UROC1: variants seen among roughly 807,000 people sequenced by gnomAD.
UROC1 encodes the protein urocanate hydratase 1.
In UROC1, 79 loss-of-function variants were observed where a neutral mutation model predicts 89.5. The observed-to-expected ratio is 0.88, with a 90% CI of 0.74 to 1.06. The LOEUF (loss-of-function observed/expected upper bound fraction) is 1.06, where lower values mean the gene tolerates loss of function less well. Among genes scored for constraint, UROC1 ranks in the 50% least tolerant of loss-of-function variants. UROC1 has a pLI of 0.00. For synonymous variants in UROC1, 361 were observed against 354.8 expected, an observed-to-expected ratio of 1.02 and a Z score of -0.20; for missense variants, 885 against 907.8, an observed-to-expected ratio of 0.97 and a Z score of 0.32.
chr3:126,499,710 C>A (rs1463039398), intron 12 of UROC1, among the ~76,000 whole-genome samples: 1 of 152,256 alleles, frequency 6.6e-6, no homozygotes, highest in Non-Finnish European at 1.5e-5. Flanking sequence ...GCCTTTTGAA[C>A]CTCATACCCC....
chr3:126,498,132 A>T lies in UROC1; in HGVS notation c.1357T>A (p.Cys453Ser). The T allele has an allele frequency of 6.2e-7, 1 of 1,614,174 alleles. No homozygotes were observed. The highest frequency in any genetic ancestry group is 8.5e-7 in the Non-Finnish European group (1 of 1,180,024). Residue 453 changes from cysteine (C) to serine (S), a missense_variant, in exon 14 of 20, where the codon TGC becomes AGC. Cys to Ser is a moderately radical substitution (Grantham distance 112, BLOSUM62 -1). Transcript: ENST00000290868. Reference sequence around the variant, plus strand: ...AGGTCCTGGGGGTCCCCCGATGTGCACACCCAGCGGAAAGGCCCAAATCCC... The same window carrying T: ...AGGTCCTGGGGGTCCCCCGATGTGCTCACCCAGCGGAAAGGCCCAAATCCC... ...SQGFGPFRWVCTSGDPQDLAV... is the reference protein window; with the variant it reads ...SQGFGPFRWVSTSGDPQDLAV...
intron 15 of UROC1, among the ~76,000 whole-genome samples, chr3:126,493,907 C>T (rs985313386): frequency 2.0e-4 from 31 of 152,292 alleles, no homozygotes; most frequent in South Asian, 8.3e-4. Flanking sequence ...GGCCGGGCCA[C>T]GGAAGCAGCT....
Position 126,514,504 on chromosome 3 carries a change from C to G in UROC1, c.126+3090G>C, listed in dbSNP as rs73859510. Among the ~76,000 whole-genome samples, 1,099 of 152,220 alleles carry G rather than the reference C, an allele frequency of 7.2e-3. 12 individuals carry two copies. The highest frequency in any genetic ancestry group is 0.024 in the African/African-American group (999 of 41,514). Reference sequence around the variant, plus strand: ...TAACTTGGCAAAGAAAGGCCCCACTCCAGTCACAGAGCTCCGTTAAAGACG... The same window carrying G: ...TAACTTGGCAAAGAAAGGCCCCACTGCAGTCACAGAGCTCCGTTAAAGACG... On this transcript the variant is annotated intron_variant, in intron 1 of 19. Coordinates refer to ENST00000290868, the MANE Select transcript of UROC1 (RefSeq NM_144639.3).
At chr3:126,503,204 T>C (rs1405328304) in intron 9 of UROC1, among the ~76,000 whole-genome samples, 1 of 152,226 alleles carries the variant, frequency 6.6e-6, no homozygotes, top group Non-Finnish European at 1.5e-5. Context: ...GTTGGATTGG[T>C]ATGTTAGAAT....
At chr3:126,484,013 C>G (rs1467647127) in intron 18 of UROC1, among the ~76,000 whole-genome samples, 1 of 152,194 alleles carries the variant, frequency 6.6e-6, no homozygotes, top group East Asian at 1.9e-4. Context: ...CACTGTGCCC[C>G]CACCTGATTT....
intron 1 of UROC1, among the ~76,000 whole-genome samples, chr3:126,512,082 ACT>A (rs2107550944): frequency 6.6e-6 from 1 of 152,292 alleles, no homozygotes; most frequent in African/African-American, 2.4e-5. Flanking sequence ...AGAAAGGCTC[ACT>A]CTCACTGGCC....
At position 126,482,456 on chromosome 3, in the gene UROC1, C is replaced by G; in HGVS notation, c.1920G>C (p.Gln640His). The change falls in exon 20 of 20, where the codon CAG becomes CAC. Residue 640 changes from glutamine to histidine, a missense_variant. Coordinates refer to ENST00000290868, the MANE Select transcript of UROC1 (RefSeq NM_144639.3). Reference protein sequence around the residue: ...GVARRCWSGNQKAYEIICQTM... With the variant: ...GVARRCWSGNHKAYEIICQTM... ...TCTGGCAGATGATCTCATAGGCCTT[C>G]TGGTTCCCTGACCAGCAGCGCCGGG... 1 of 1,614,034 alleles carries G rather than the reference C, an allele frequency of 6.2e-7. No homozygotes were observed.
intron 13 of UROC1, 134 bp from the exon 14 acceptor site, chr3:126,498,306 G>C: frequency 2.7e-6 from 4 of 1,490,304 alleles, no homozygotes; most frequent in African/African-American, 1.4e-5. Flanking sequence ...TCATTGGACA[G>C]AAAGTTCCAG....
intron 2 of UROC1, 133 bp from the exon 3 acceptor site, chr3:126,509,811 CAGT>C (rs1576729911): frequency 3.5e-6 from 3 of 858,880 alleles, no homozygotes; most frequent in Non-Finnish European, 5.7e-6. Flanking sequence ...TAGGAACGTA[CAGT>C]GGGGGCTCCA....
At chr3:126,500,648 G>T (rs373010248) in intron 11 of UROC1, 47 bp downstream of exon 11, 4 of 1,610,954 alleles carry the variant, frequency 2.5e-6, no homozygotes, top group African/African-American at 2.7e-5. Context: ...GGACAAGGTG[G>T]TCTGCCCAGG....
chr3:126,506,638 C>T (rs543726189), intron 6 of UROC1, among the ~76,000 whole-genome samples: 20 of 152,278 alleles, frequency 1.3e-4, no homozygotes, highest in Non-Finnish European at 2.2e-4. Flanking sequence ...GCACAGAGGC[C>T]GGCTCGAATG....
intron 3 of UROC1, among the ~76,000 whole-genome samples, 158 bp from the exon 4 acceptor site, chr3:126,508,633 C>T (rs180898614): frequency 2.6e-5 from 4 of 152,202 alleles, no homozygotes; most frequent in Admixed American, 1.3e-4. Context: ...GCAAGAACAC[C>T]GGCCCCAGCT....
chr3:126,509,807 C>A, intron 2 of UROC1, 129 bp from the exon 3 acceptor site: 1 of 888,386 alleles, frequency 1.1e-6, no homozygotes, highest in Non-Finnish European at 1.8e-6. Context: ...TAGCTAGGAA[C>A]GTACAGTGGG....
intron 10 of UROC1, 53 bp downstream of exon 10, chr3:126,501,164 AG>A: frequency 2.5e-6 from 4 of 1,580,376 alleles, no homozygotes; most frequent in South Asian, 1.1e-5. Flanking sequence ...GTCTTTGCTC[AG>A]GGGGCCCCAT....
chr3:126,505,247 A>T (rs1233930341), intron 8 of UROC1, among the ~76,000 whole-genome samples: 1 of 152,164 alleles, frequency 6.6e-6, no homozygotes, highest in South Asian at 2.1e-4. Flanking sequence ...CAAATAACTA[A>T]GATGATGCGG....
At chr3:126,501,302 A>C in intron 9 of UROC1, 22 bp from the exon 10 acceptor site, 1 of 1,613,716 alleles carries the variant, frequency 6.2e-7, no homozygotes, top group Non-Finnish European at 8.5e-7. Context: ...CAAAAGCAGA[A>C]CAGGTGCCCC....
chr3:126,510,774 C>T lies in UROC1; in HGVS notation c.147G>A (p.Leu49=). The T allele has an allele frequency of 6.2e-7, 1 of 1,613,836 alleles. No homozygotes were observed. The highest frequency in any genetic ancestry group is 1.1e-5 in the South Asian group (1 of 91,082). The part of the protein sequence containing the change: ...VEKQLALRNA[L]RYFPPDVQEL... ...CCTGGACATCCGGGGGGAAGTAGCG[C>T]AGGGCGTTCCTCAGCGCCAGCTGGG... is the stretch of plus-strand genomic sequence containing the variant. Residue 49 remains leucine, a synonymous_variant, in exon 2 of 20, where the codon CTG becomes CTA. Transcript: ENST00000290868.
intron 18 of UROC1, among the ~76,000 whole-genome samples, chr3:126,486,157 G>A (rs1935511217): frequency 1.3e-5 from 2 of 152,228 alleles, no homozygotes; most frequent in East Asian, 1.9e-4. Context: ...AACACCGGCT[G>A]GAAGCCTGCT....
At chr3:126,490,088 G>A (rs1935607745) in intron 16 of UROC1, among the ~76,000 whole-genome samples, 1 of 152,158 alleles carries the variant, frequency 6.6e-6, no homozygotes, top group Non-Finnish European at 1.5e-5. Flanking sequence ...CTTCCGTCTG[G>A]GAATAGCTCT....
Sources: allele counts gnomAD v4.1 joint callset (sites outside exome capture counted in the v4.1 genomes callset), GRCh38; gene constraint gnomAD v4.1.1; transcripts MANE v1.5; gene names NCBI Gene and HGNC (gene_info 2026-07-23, HGNC 2026-07-21).